Variants in CUZD1 observed in about 807,000 individuals in gnomAD.
CUZD1 encodes the protein CUB and zona pellucida like domains 1.
Under a neutral mutation model 53.1 loss-of-function variants are expected in CUZD1, and 42 were observed. That is an observed-to-expected ratio of 0.79 (90% CI 0.62 to 1.02). The LOEUF (loss-of-function observed/expected upper bound fraction) is 1.02. Among genes scored for constraint, CUZD1 ranks in the 50% least tolerant of loss-of-function variants. CUZD1 has a pLI of 0.00. For synonymous variants in CUZD1, 238 were observed against 257.2 expected, an observed-to-expected ratio of 0.93 and a Z score of 0.71; for missense variants, 670 against 715.7, an observed-to-expected ratio of 0.94 and a Z score of 0.73.
Position 122,832,214 on chromosome 10 carries a change from CACGAGGTAGCA to C in CUZD1, c.*53_*63del. ...CTCATTTATTCATAATATGTGTAGCCACGAGGTAGCATTTCCTTTGGCATCCTGGAGAAACA... is the reference window on the plus strand; with the variant it reads ...CTCATTTATTCATAATATGTGTAGCCTTTCCTTTGGCATCCTGGAGAAACA... On this transcript the variant is annotated 3_prime_UTR_variant, in exon 9 of 9. Transcript: ENST00000392790. 6 of 1,536,642 alleles carry C rather than the reference CACGAGGTAGCA, an allele frequency of 3.9e-6. No homozygotes were observed. Among genetic ancestry groups the C allele is most frequent in the Non-Finnish European group, 5.4e-6 (6 of 1,117,614 alleles).
chr10:122,832,392 A>G lies in CUZD1; in HGVS notation c.1710T>C (p.His570=), dbSNP rs1366019941. 1.9e-6 allele frequency: 3 copies of G among 1,614,024 alleles called. No homozygotes were observed. The African/African-American group carries it at 4.0e-5, about 22-fold the overall frequency. The change falls in exon 9 of 9, where the codon CAT becomes CAC. Residue 570 remains histidine, a synonymous_variant. Coordinates refer to ENST00000392790, the MANE Select transcript of CUZD1 (RefSeq NM_022034.6). ...GAGCTAGAACCATGAAGGAAAACAG[A>G]TGCACACTGTTGAAAGGCTGGTTTG... ...ETPNQPFNSV[H]LFSFMVLALN...
chr10:122,838,960 G>A lies in CUZD1; in HGVS notation c.448+57C>T, dbSNP rs151179532. 7.5e-4 allele frequency: 978 copies of A among 1,302,160 alleles called. 5 individuals carry two copies. In the African/African-American group the frequency reaches 0.012, roughly 16 times the overall value. 80.7% of individuals were successfully genotyped at this position (1,302,160 alleles called of 1,614,324 possible). A position where few individuals can be genotyped will look rare whatever the true frequency, so the allele number is the denominator to read the frequency against. ...AGATTATAAGAACCCGGACAGAAGA[G>A]TGTGTAACCTGTGCTTGTAGGAGAT... On this transcript the variant is annotated intron_variant, in intron 3 of 8. Coordinates refer to ENST00000392790, the MANE Select transcript of CUZD1 (RefSeq NM_022034.6).
rs368837059 is a variant in CUZD1 at position 122,845,826 on chromosome 10, C to A, written c.18G>T (p.Arg6Ser). 18 of 1,613,878 alleles carry A rather than the reference C, an allele frequency of 1.1e-5. No individual in the cohort carries two copies. Among genetic ancestry groups the A allele is most frequent in the African/African-American group, 9.3e-5 (7 of 74,938 alleles). The change falls in exon 1 of 9, where the codon AGG (arginine) becomes AGT (serine). Residue 6 changes from arginine (R) to serine (S), a missense_variant. By Grantham distance (110) the Arg-to-Ser change is moderately radical. Coordinates refer to ENST00000392790, the MANE Select transcript of CUZD1 (RefSeq NM_022034.6). ...GAATTAAGAGGGTCAATGGCATGAG[C>A]CTTCTTACAAGCTCCATTTTGGCAA... Reference protein sequence around the residue: MELVRRLMPLTLLILS... With the variant: MELVRSLMPLTLLILS...
chr10:122,834,731 G>C lies in CUZD1; in HGVS notation c.1357C>G (p.Pro453Ala), dbSNP rs1171224659. 6.2e-7 allele frequency: 1 copy of C among 1,609,156 alleles called. No individual in the cohort carries two copies. The highest frequency in any genetic ancestry group is 8.5e-7 in the Non-Finnish European group (1 of 1,177,004). The change falls in exon 7 of 9, where the codon CCA (proline) becomes GCA (alanine). Residue 453 changes from proline to alanine, a missense_variant. By Grantham distance (27) the Pro-to-Ala change is conservative. Transcript: ENST00000392790. ...RASPTSDFASPTYDLIKSGCS... is the reference protein window; with the variant it reads ...RASPTSDFASATYDLIKSGCS... ...CCACTCTTGATTAGGTCGTAGGTTGGAGATGCAAAGTCAGAGGTGGGAGAG... is the reference window on the plus strand; with the variant it reads ...CCACTCTTGATTAGGTCGTAGGTTGCAGATGCAAAGTCAGAGGTGGGAGAG...
chr10:122,832,931 G>T (rs1847182114), intron 8 of CUZD1, among the ~76,000 whole-genome samples: 1 of 152,124 alleles, frequency 6.6e-6, no homozygotes, highest in East Asian at 1.9e-4. Context: ...AGCCACTAGT[G>T]AATGCGTTTA....
intron 8 of CUZD1, among the ~76,000 whole-genome samples, chr10:122,832,919 T>A (rs956197339): frequency 2.0e-5 from 3 of 152,240 alleles, no homozygotes; most frequent in African/African-American, 7.2e-5. Context: ...ATACACTATG[T>A]AAGCCACTAG....
intron 6 of CUZD1, among the ~76,000 whole-genome samples, chr10:122,835,928 G>A (rs993456848): frequency 6.6e-6 from 1 of 152,124 alleles, no homozygotes; most frequent in African/African-American, 2.4e-5. Context: ...TCTCTTTAGT[G>A]AGTTTTCAGA....
intron 1 of CUZD1, 41 bp from the exon 2 acceptor site, chr10:122,841,369 C>T: frequency 1.2e-5 from 19 of 1,544,646 alleles, no homozygotes; most frequent in Non-Finnish European, 1.6e-5. Flanking sequence ...AGTCAACAGG[C>T]CCTTTCCCCT....
At position 122,841,185 on chromosome 10, in the gene CUZD1, A is replaced by G. The variant is rs1441482285; in HGVS notation, c.226T>C (p.Tyr76His). 1 of 1,612,836 alleles carries G rather than the reference A, an allele frequency of 6.2e-7. No individual in the cohort carries two copies. The highest frequency in any genetic ancestry group is 2.2e-5 in the East Asian group (1 of 44,870). The change falls in exon 2 of 9, where the codon TAT becomes CAT. Residue 76 changes from tyrosine (Y) to histidine (H), a missense_variant. Tyr to His is a moderately conservative substitution (Grantham distance 83). Transcript: ENST00000392790. ...ACTAAAGCTTCTACTTACTGGACAT[A>G]GGAAAAGATAATTCTGATGCTTTTG... is the stretch of plus-strand genomic sequence containing the variant. The part of the protein sequence containing the change: ...ENKSIRIIFS[Y>H]VQLDPDGSCE...
rs1431911717 is a variant in CUZD1, at chr10:122,837,396, G to A, written c.599+8C>T. 6.2e-7 allele frequency: 1 copy of A among 1,614,026 alleles called. No individual in the cohort carries two copies. Among genetic ancestry groups the A allele is most frequent in the South Asian group, 1.1e-5 (1 of 91,074 alleles). ...TTTGTTCCAACAGAATTGGGCAGCA[G>A]TACTTACAAAATCTCTTTGAAGTTT... On this transcript the variant is annotated splice_region_variant and intron_variant, in intron 4 of 8. Transcript: ENST00000392790.
intron 5 of CUZD1, 32 bp from the exon 6 acceptor site, chr10:122,836,382 C>A: frequency 1.4e-6 from 2 of 1,472,364 alleles, no homozygotes; most frequent in East Asian, 2.3e-5. Flanking sequence ...AAAGAATGGT[C>A]ATGTTTATGC....
intron 3 of CUZD1, 112 bp from the exon 4 acceptor site, chr10:122,837,666 A>G (rs994470972): frequency 1.6e-5 from 17 of 1,047,172 alleles, no homozygotes; most frequent in African/African-American, 5.0e-5. Context: ...TTCCATCTCT[A>G]TCTTTCCCAT....
At position 122,839,121 on chromosome 10, in the gene CUZD1, A is replaced by G; in HGVS notation, c.344T>C (p.Val115Ala). The G allele has an allele frequency of 6.2e-7, 1 of 1,614,198 alleles. No individual in the cohort carries two copies. Among genetic ancestry groups the G allele is most frequent in the Non-Finnish European group, 8.5e-7 (1 of 1,179,976 alleles). The change falls in exon 3 of 9, where the codon GTA becomes GCA. Residue 115 changes from valine (V) to alanine (A), a missense_variant. Coordinates refer to ENST00000392790, the MANE Select transcript of CUZD1 (RefSeq NM_022034.6). ...QVCSKNDYVP[V>A]FESSSSTLTF... The stretch of plus-strand genomic sequence containing the variant: ...CAATGTACTGGATGATGATTCAAAT[A>G]CAGGAACATAGTCGTTTTTACTGCA...
chr10:122,836,420 C>T, intron 5 of CUZD1, 70 bp from the exon 6 acceptor site: 1 of 1,306,076 alleles, frequency 7.7e-7, no homozygotes, highest in Non-Finnish European at 1.0e-6. Context: ...TCTTGAAGAG[C>T]TACGTGTGCA....
chr10:122,834,599 T>C (rs1472410521), intron 7 of CUZD1, 107 bp downstream of exon 7: 2 of 743,218 alleles, frequency 2.7e-6, no homozygotes, highest in Non-Finnish European at 4.0e-6. Context: ...AAATTTCATG[T>C]AGTGCTAGGA....
rs868634381 is a variant in CUZD1, at chr10:122,837,736, G to C, written c.449-182C>G. On this transcript the variant is annotated intron_variant, in intron 3 of 8. Transcript: ENST00000392790. ...ATTGAAATTTCTGTCCACTGGTGCA[G>C]GGCAGAGAGGGAATCTTTATACTAT... The C allele has an allele frequency of 4.9e-5, 26 of 527,496 alleles. No individual in the cohort carries two copies. In the Middle Eastern group the frequency reaches 1.9e-3, roughly 39 times the overall value. 32.7% of individuals were successfully genotyped at this position (527,496 alleles called of 1,614,324 possible).
chr10:122,845,355 G>A (rs1250589679), intron 1 of CUZD1, among the ~76,000 whole-genome samples: 2 of 152,092 alleles, frequency 1.3e-5, no homozygotes, highest in African/African-American at 2.4e-5. Context: ...GATTACAGGC[G>A]TGAGCCACCG....
intron 1 of CUZD1, 59 bp downstream of exon 1, chr10:122,845,703 G>C (rs1847427395): frequency 1.4e-6 from 2 of 1,460,964 alleles, no homozygotes; most frequent in African/African-American, 1.4e-5. Flanking sequence ...TTTTGAAAGA[G>C]GCCTCTTAAG....
chr10:122,841,833 T>A (rs984995358), intron 1 of CUZD1, among the ~76,000 whole-genome samples: 2 of 152,226 alleles, frequency 1.3e-5, no homozygotes, highest in African/African-American at 4.8e-5. Flanking sequence ...TGTAGCAGCA[T>A]CCCATCATGG....
Sources: gnomAD v4.1 joint callset for allele counts (sites outside exome capture counted in the v4.1 genomes callset) on GRCh38, gnomAD v4.1.1 for gene constraint, MANE v1.5 for transcripts, NCBI Gene and HGNC (gene_info 2026-07-23, HGNC 2026-07-21) for gene names.